Variants in LDB3 observed in about 807,000 individuals in gnomAD.
LDB3 encodes LIM domain binding 3.
Under a neutral mutation model 69.0 loss-of-function variants are expected in LDB3, and 49 were observed. The ratio of observed to expected loss-of-function variants is 0.71; its 90% confidence interval spans 0.56 to 0.90. The LOEUF is 0.90. LDB3 is among the 40% of genes least tolerant of loss of function. The probability of loss-of-function intolerance (pLI) is 0.00; values close to 1 mark genes in which losing one functional copy is unlikely to be tolerated. For missense variants in LDB3, 928 were observed against 974.1 expected, an observed-to-expected ratio of 0.95 and a Z score of 0.63; for synonymous variants, 387 against 396.2, an observed-to-expected ratio of 0.98 and a Z score of 0.28.
In LDB3 at chr10:86,733,622, A is replaced by T. The variant is rs1467310725; in HGVS notation, c.*646A>T. ...GCCACTGGGCAATTGCCAGGGCTCC[A>T]GGAAGGGCTCTGGCTCAGGTTGCAG... On this transcript the variant is annotated 3_prime_UTR_variant, in exon 14 of 14. Transcript: ENST00000361373. The T allele has an allele frequency of 1.3e-5, 2 of 152,628 alleles. No individual in the cohort carries two copies. Among genetic ancestry groups the T allele is most frequent in the African/African-American group, 4.8e-5 (2 of 41,470 alleles). 9.5% of individuals were successfully genotyped at this position (152,628 alleles called of 1,614,324 possible).
chr10:86,696,967 T>G (rs117340659), intron 7 of LDB3, among the ~76,000 whole-genome samples: 1 of 152,150 alleles, frequency 6.6e-6, no homozygotes, highest in African/African-American at 2.4e-5. Context: ...AAATATGTTA[T>G]ATGTTAGCAG....
chr10:86,670,579 C>T (rs559705183), intron 2 of LDB3, among the ~76,000 whole-genome samples: 1 of 152,316 alleles, frequency 6.6e-6, no homozygotes, highest in South Asian at 2.1e-4. Flanking sequence ...GGTCTATGTG[C>T]CACCTGGCCC....
intron 7 of LDB3, among the ~76,000 whole-genome samples, chr10:86,695,381 T>C (rs1010286971): frequency 6.6e-6 from 1 of 152,220 alleles, no homozygotes; most frequent in Non-Finnish European, 1.5e-5. Flanking sequence ...CCTGATGGTA[T>C]CTCTGTGTCT....
In LDB3 at chr10:86,692,528, C is replaced by T. The variant is rs779264739; in HGVS notation, c.860-7C>T. On this transcript the variant is annotated splice_region_variant and splice_polypyrimidine_tract_variant and intron_variant, in intron 6 of 13. Coordinates refer to ENST00000361373, the MANE Select transcript of LDB3 (RefSeq NM_007078.3). ...GAGTCCCCTGACCAGCTCCTTTCTA[C>T]CAACAGTGCAAGACCCTGATGAAGA... The T allele has an allele frequency of 1.2e-5, 20 of 1,614,130 alleles. No homozygotes were observed. The East Asian group carries it at 4.2e-4, about 34-fold the overall frequency.
At chr10:86,690,459 C>T (rs1441184515) in intron 5 of LDB3, among the ~76,000 whole-genome samples, 1 of 152,256 alleles carries the variant, frequency 6.6e-6, no homozygotes, top group Non-Finnish European at 1.5e-5. Flanking sequence ...CCAACCGATC[C>T]CAACCACAGG....
chr10:86,718,085 C>T lies in LDB3; in HGVS notation c.1798C>T (p.Arg600Ter), dbSNP rs727503132. Reference protein sequence around the residue: ...VEEQNNVYCERCYEQFFAPLC... With the variant: ...VEEQNNVYCE ...AGAGCAGAACAACGTTTACTGTGAG[C>T]GATGTTATGAGCAATTCTTTGCCCC... Residue 600 changes from arginine (R) to a stop codon, truncating the protein, a stop_gained, in exon 11 of 14, where the codon CGA (arginine) becomes TGA (stop). Coordinates refer to ENST00000361373, the MANE Select transcript of LDB3 (RefSeq NM_007078.3). LOFTEE classifies it high-confidence loss of function. 1.1e-5 allele frequency: 18 copies of T among 1,613,964 alleles called. No individual in the cohort carries two copies. In the Admixed American group the frequency reaches 1.5e-4, roughly 13 times the overall value.
At chr10:86,709,128 G>A (rs1011833247) in intron 8 of LDB3, among the ~76,000 whole-genome samples, 3 of 152,158 alleles carry the variant, frequency 2.0e-5, no homozygotes, top group East Asian at 3.8e-4. Context: ...AATACAATTG[G>A]GGAACACTGA....
intron 13 of LDB3, among the ~76,000 whole-genome samples, chr10:86,728,581 C>CTTTT (rs1554868869): frequency 1.0e-5 from 1 of 97,526 alleles, no homozygotes; most frequent in African/African-American, 3.6e-5. Context: ...GAACATGGTT[C>CTTTT]TTTTGTTTTT....
chr10:86,699,165 A>C lies in LDB3; in HGVS notation c.896+6594A>C. ...ATGCCCTCTGCCCCACCTGTTAGAC[A>C]GGGGAATGGTGAACACATTCCCTAA... On this transcript the variant is annotated intron_variant, in intron 7 of 13. Transcript: ENST00000361373. The surrounding 1 kb of genome is among the most constrained non-coding windows in gnomAD (Gnocchi z 4.9). 3.3e-6 allele frequency: 4 copies of C among 1,207,802 alleles called. No homozygotes were observed. The highest frequency in any genetic ancestry group is 2.4e-6 in the Non-Finnish European group (2 of 832,316). 74.8% of individuals were successfully genotyped at this position (1,207,802 alleles called of 1,614,324 possible). A position where few individuals can be genotyped will look rare whatever the true frequency, so the allele number is the denominator to read the frequency against.
At chr10:86,686,855 C>CT (rs932117822) in intron 5 of LDB3, among the ~76,000 whole-genome samples, 18 of 151,754 alleles carry the variant, frequency 1.2e-4, no homozygotes, top group Non-Finnish European at 2.6e-4. Context: ...CTGCACTGGG[C>CT]TTTGGGGGAG....
intron 13 of LDB3, chr10:86,732,671 T>G: frequency 1.9e-6 from 1 of 526,884 alleles, no homozygotes; most frequent in East Asian, 4.3e-5. Context: ...CCCTGGCTAA[T>G]TTTTGTATTT....
intron 8 of LDB3, 107 bp from the exon 9 acceptor site, chr10:86,709,798 A>G: frequency 2.5e-6 from 3 of 1,192,288 alleles, no homozygotes. Flanking sequence ...TGTCTCTGTC[A>G]GGTGTCCTCA....
intron 4 of LDB3, among the ~76,000 whole-genome samples, chr10:86,680,524 C>A (rs376440724): frequency 1.3e-5 from 2 of 152,178 alleles, no homozygotes; most frequent in Admixed American, 6.5e-5. Flanking sequence ...GCCAAGGGGG[C>A]CACCGCTGGG....
chr10:86,717,845 A>G, intron 10 of LDB3, 119 bp from the exon 11 acceptor site: 1 of 905,954 alleles, frequency 1.1e-6, no homozygotes, highest in East Asian at 2.6e-5. Context: ...TTACTTCATC[A>G]GAACAGTCAC....
chr10:86,703,292 G>A (rs1846328883), intron 7 of LDB3, among the ~76,000 whole-genome samples: 2 of 152,240 alleles, frequency 1.3e-5, no homozygotes, highest in African/African-American at 4.8e-5. Context: ...ACACTGAGAG[G>A]AGGGTCTGAG....
chr10:86,687,644 G>A (rs138188995), intron 5 of LDB3, among the ~76,000 whole-genome samples: 1 of 152,384 alleles, frequency 6.6e-6, no homozygotes, highest in East Asian at 1.9e-4. Flanking sequence ...CCTTTAAGGA[G>A]GGGGAAGTTA....
At chr10:86,692,432 TG>T in intron 6 of LDB3, 102 bp from the exon 7 acceptor site, 2 of 1,181,906 alleles carry the variant, frequency 1.7e-6, no homozygotes, top group Non-Finnish European at 2.5e-6. Flanking sequence ...AGTCACCGTG[TG>T]GGGCCTGGCT....
chr10:86,686,930 G>A, intron 5 of LDB3: 1 of 791,558 alleles, frequency 1.3e-6, no homozygotes, highest in Admixed American at 1.8e-5. Flanking sequence ...GTAGCCTATG[G>A]GGGTTCAGGG....
intron 3 of LDB3, among the ~76,000 whole-genome samples, chr10:86,679,761 C>CCGTA (rs1381021067): frequency 6.6e-6 from 1 of 152,212 alleles, no homozygotes; most frequent in African/African-American, 2.4e-5. Context: ...CTGGTGCTGC[C>CCGTA]CGTACGTGGG....
Sources: gnomAD v4.1 joint callset for allele counts (sites outside exome capture counted in the v4.1 genomes callset) on GRCh38, gnomAD v4.1.1 for gene constraint, Gnocchi (gnomAD v3.1) non-coding constraint, MANE v1.5 for transcripts, NCBI Gene and HGNC (gene_info 2026-07-23, HGNC 2026-07-21) for gene names.